The following ZFYVE9 variants were observed in gnomAD, a reference collection of about 807,000 sequenced individuals.
ZFYVE9 encodes the protein zinc finger FYVE-type containing 9, also known as zinc finger FYVE domain-containing protein 9.
In ZFYVE9, 43 loss-of-function variants were observed where a neutral mutation model predicts 126.7. The observed-to-expected ratio is 0.34, with a 90% confidence interval of 0.27 to 0.44. The LOEUF is 0.44. Among genes scored for constraint, ZFYVE9 ranks in the 20% least tolerant of loss-of-function variants. The probability of loss-of-function intolerance (pLI) is 1.00; values close to 1 mark genes in which losing one functional copy is unlikely to be tolerated. For synonymous variants in ZFYVE9, 521 were observed against 597.4 expected (o/e 0.87, Z 1.87); for missense variants, 1,476 against 1,697.0 (o/e 0.87, Z 2.29).
rs750539926 is a variant in ZFYVE9, at chr1:52,239,298, A to G, written c.1881A>G (p.Ser627=). The part of the protein sequence containing the change: ...ILGKAKLGEN[S]ATNVCSPSLG... ...GGAAAGCAAAATTAGGGGAAAACTC[A>G]GCAACCAATGTATGCAGTCCATCTT... Residue 627 remains serine, a synonymous_variant, in exon 4 of 19, where the codon TCA becomes TCG. Transcript: ENST00000287727. 6.2e-7 allele frequency: 1 copy of G among 1,614,218 alleles called. No homozygotes were observed. The highest frequency in any genetic ancestry group is 2.2e-5 in the East Asian group (1 of 44,892).
intron 13 of ZFYVE9, among the ~76,000 whole-genome samples, chr1:52,315,761 A>G (rs1302506917): frequency 6.6e-6 from 1 of 152,278 alleles, no homozygotes; most frequent in Non-Finnish European, 1.5e-5. Flanking sequence ...CATATTAAAA[A>G]AAATGACTCA....
Position 52,346,327 on chromosome 1 carries a change from A to T in ZFYVE9, c.*106A>T. 2 of 1,003,426 alleles carry T rather than the reference A, an allele frequency of 2.0e-6. No homozygotes were observed. The highest frequency in any genetic ancestry group is 2.8e-6 in the Non-Finnish European group (2 of 722,784). The allele number at this position is 1,003,426 out of a possible 1,614,324, so 62.2% of individuals were successfully genotyped here. ...AGATTAAGCTTTTGTTAACACTATTAATGGGGTGGGGAATAGGGTGGGAGT... is the reference window on the plus strand; with the variant it reads ...AGATTAAGCTTTTGTTAACACTATTTATGGGGTGGGGAATAGGGTGGGAGT... On this transcript the variant is annotated 3_prime_UTR_variant, in exon 19 of 19. Transcript: ENST00000287727.
At chr1:52,153,020 G>A (rs1179899913) in intron 1 of ZFYVE9, among the ~76,000 whole-genome samples, 1 of 152,198 alleles carries the variant, frequency 6.6e-6, no homozygotes, top group African/African-American at 2.4e-5. Flanking sequence ...GCCTGTTAGA[G>A]GAGGCCTGCA....
chr1:52,231,932 A>G (rs918987297), intron 2 of ZFYVE9, among the ~76,000 whole-genome samples: 20 of 152,140 alleles, frequency 1.3e-4, no homozygotes, highest in Admixed American at 1.3e-3. Context: ...TGGCCGGGAA[A>G]TACTTGAATA....
At chr1:52,176,216 A>T (rs953795414) in intron 1 of ZFYVE9, among the ~76,000 whole-genome samples, 15 of 152,158 alleles carry the variant, frequency 9.9e-5, no homozygotes, top group African/African-American at 3.6e-4. Flanking sequence ...CTTCTAACAG[A>T]TAGGACCCTC....
At chr1:52,289,166 A>G (rs1645893765) in intron 10 of ZFYVE9, among the ~76,000 whole-genome samples, 1 of 152,166 alleles carries the variant, frequency 6.6e-6, no homozygotes, top group South Asian at 2.1e-4. Flanking sequence ...AAAATTGTAA[A>G]TTACTGTATC....
chr1:52,279,448 G>A (rs758247151), intron 9 of ZFYVE9, among the ~76,000 whole-genome samples: 14 of 152,118 alleles, frequency 9.2e-5, no homozygotes, highest in Non-Finnish European at 1.9e-4. Flanking sequence ...ATGGGCATCA[G>A]GATGAGAAAG....
chr1:52,203,784 A>T (rs1644947919), intron 1 of ZFYVE9, among the ~76,000 whole-genome samples: 1 of 150,648 alleles, frequency 6.6e-6, no homozygotes, highest in South Asian at 2.1e-4. Flanking sequence ...TCAGGTTTGG[A>T]GGTTTCTGTT....
chr1:52,298,057 T>G (rs1430231495), intron 12 of ZFYVE9, among the ~76,000 whole-genome samples: 1 of 152,216 alleles, frequency 6.6e-6, no homozygotes, highest in Non-Finnish European at 1.5e-5. Context: ...ATTAACTCCT[T>G]TTCAGATGTA....
chr1:52,246,012 C>G (rs1645380883), intron 4 of ZFYVE9, among the ~76,000 whole-genome samples: 1 of 152,132 alleles, frequency 6.6e-6, no homozygotes, highest in Non-Finnish European at 1.5e-5. Flanking sequence ...ACTGCAGCCT[C>G]TACTTCCTGG....
At chr1:52,315,515 G>A (rs1277199144) in intron 13 of ZFYVE9, among the ~76,000 whole-genome samples, 1 of 152,132 alleles carries the variant, frequency 6.6e-6, no homozygotes, top group African/African-American at 2.4e-5. Context: ...TAACAAAAAG[G>A]CCAGGGAAGA....
intron 12 of ZFYVE9, among the ~76,000 whole-genome samples, chr1:52,298,298 T>C (rs1468159914): frequency 1.3e-5 from 2 of 152,228 alleles, no homozygotes; most frequent in African/African-American, 4.8e-5. Flanking sequence ...TTTAAGTCTT[T>C]AATCCGTTTT....
chr1:52,264,669 C>T (rs1645615691), intron 5 of ZFYVE9, among the ~76,000 whole-genome samples: 2 of 152,180 alleles, frequency 1.3e-5, no homozygotes, highest in African/African-American at 4.8e-5. Context: ...CCAGTGCTAC[C>T]TGTGCCAGGA....
intron 1 of ZFYVE9, among the ~76,000 whole-genome samples, chr1:52,181,162 C>T (rs1469797572): frequency 6.6e-6 from 1 of 152,108 alleles, no homozygotes; most frequent in Admixed American, 6.5e-5. Flanking sequence ...GCTGCCATCT[C>T]GGCTCACTGC....
At chr1:52,302,604 A>G (rs1211344093) in intron 12 of ZFYVE9, among the ~76,000 whole-genome samples, 1 of 152,110 alleles carries the variant, frequency 6.6e-6, no homozygotes, top group African/African-American at 2.4e-5. Context: ...TACAAAAATT[A>G]TCTGGGCCTG....
intron 1 of ZFYVE9, among the ~76,000 whole-genome samples, chr1:52,181,435 A>G (rs181660711): frequency 0.01 from 1,562 of 152,184 alleles, 26 homozygotes; most frequent in African/African-American, 0.035. Context: ...GCTCGCTACA[A>G]TCTCCACCTC....
intron 1 of ZFYVE9, among the ~76,000 whole-genome samples, chr1:52,156,928 G>C (rs1644408192): frequency 6.6e-6 from 1 of 151,930 alleles, no homozygotes; most frequent in Non-Finnish European, 1.5e-5. Flanking sequence ...TGCCTCTCGG[G>C]TTCACACCAT....
In ZFYVE9 at chr1:52,193,477, C is replaced by T. The variant is rs561476484; in HGVS notation, c.-142-22892C>T. 1.6e-3 allele frequency among the ~76,000 whole-genome samples: 233 copies of T among 149,600 alleles called. 1 individual carries two copies. The highest frequency in any genetic ancestry group is 7.1e-3 in the Middle Eastern group (2 of 280). ...ATCCCAGCATTTTGGGAGGCCAAGG[C>T]AGGTGGATCACCTGAGGTCAGGAGA... On this transcript the variant is annotated intron_variant, in intron 1 of 18. Transcript: ENST00000287727.
chr1:52,281,766 C>T lies in ZFYVE9; in HGVS notation c.2975C>T (p.Pro992Leu). 2.5e-6 allele frequency: 4 copies of T among 1,614,116 alleles called. No individual in the cohort carries two copies. The highest frequency in any genetic ancestry group is 3.4e-6 in the Non-Finnish European group (4 of 1,180,024). Residue 992 changes from proline (P) to leucine (L), a missense_variant, in exon 10 of 19, where the codon CCA becomes CTA. By Grantham distance (98) the Pro-to-Leu change is moderately conservative (BLOSUM62 -3). Transcript: ENST00000287727. Reference sequence around the variant, plus strand: ...TGTTTACCGGATGAAAAGTGTTTGCCAAAGGATATCTTTAATCACTTTGTG... The same window carrying T: ...TGTTTACCGGATGAAAAGTGTTTGCTAAAGGATATCTTTAATCACTTTGTG... ...LQCLPDEKCL[P>L]KDIFNHFVQL...
Sources: gnomAD v4.1 joint callset for allele counts (sites outside exome capture counted in the v4.1 genomes callset) on GRCh38, gnomAD v4.1.1 for gene constraint, MANE v1.5 for transcripts, NCBI Gene and HGNC (gene_info 2026-07-23, HGNC 2026-07-21) for gene names.